LRRC4C: variants seen among roughly 807,000 people sequenced by gnomAD.
LRRC4C encodes the protein leucine rich repeat containing 4C, also known as leucine-rich repeat-containing protein 4C.
In LRRC4C, 5 loss-of-function variants were observed where a neutral mutation model predicts 33.6. The observed-to-expected ratio is 0.15, with a 90% CI of 0.08 to 0.31. The LOEUF (loss-of-function observed/expected upper bound fraction) is 0.31, where lower values mean the gene tolerates loss of function less well. LRRC4C is among the 10% of genes least tolerant of loss of function. The probability of loss-of-function intolerance (pLI) is 1.00; values close to 1 mark genes in which losing one functional copy is unlikely to be tolerated. For synonymous variants in LRRC4C, 329 were observed against 302.0 expected (o/e 1.09, Z -0.93); for missense variants, 560 against 796.7 (o/e 0.70, Z 3.58).
At chr11:41,332,318 T>C (rs1951320665) in intron 1 of LRRC4C, among the ~76,000 whole-genome samples, 1 of 152,194 alleles carries the variant, frequency 6.6e-6, no homozygotes, top group South Asian at 2.1e-4. Context: ...GCATGATACA[T>C]TTAAATAATA....
chr11:40,771,630 C>T (rs970749199), intron 2 of LRRC4C, among the ~76,000 whole-genome samples: 1 of 152,102 alleles, frequency 6.6e-6, no homozygotes, highest in Non-Finnish European at 1.5e-5. Context: ...CTGTTGAATG[C>T]TTTGCTGCTT....
intron 3 of LRRC4C, among the ~76,000 whole-genome samples, chr11:40,492,930 A>G (rs145059277): frequency 1.3e-5 from 2 of 152,192 alleles, no homozygotes; most frequent in Non-Finnish European, 2.9e-5. Context: ...CTAGAATTTT[A>G]TACTATCACC....
At chr11:40,587,603 G>T (rs1482049606) in intron 3 of LRRC4C, among the ~76,000 whole-genome samples, 1 of 148,212 alleles carries the variant, frequency 6.7e-6, no homozygotes, top group African/African-American at 2.5e-5. Context: ...TATGATATTG[G>T]CTGTGGGTTT....
chr11:40,884,297 T>G (rs907826467), intron 2 of LRRC4C, among the ~76,000 whole-genome samples: 5 of 152,174 alleles, frequency 3.3e-5, no homozygotes, highest in African/African-American at 1.2e-4. Context: ...CTACATTTTC[T>G]TTATCCAGTC....
chr11:40,964,302 A>C (rs1252794922), intron 1 of LRRC4C, among the ~76,000 whole-genome samples: 9 of 151,854 alleles, frequency 5.9e-5, no homozygotes, highest in Admixed American at 5.9e-4. Flanking sequence ...AAGTCAAACA[A>C]AACAAATAAA....
chr11:40,493,143 A>T (rs1455243217), intron 3 of LRRC4C, among the ~76,000 whole-genome samples: 2 of 151,796 alleles, frequency 1.3e-5, no homozygotes, highest in African/African-American at 4.8e-5. Flanking sequence ...GAGATAGCTA[A>T]ATTTATACCT....
At chr11:41,437,093 C>A (rs548635397) in intron 1 of LRRC4C, among the ~76,000 whole-genome samples, 4 of 152,104 alleles carry the variant, frequency 2.6e-5, no homozygotes, top group Non-Finnish European at 5.9e-5. Context: ...AACATAACAC[C>A]AAATACAAGC....
chr11:41,065,452 G>A (rs1340391144), intron 1 of LRRC4C, among the ~76,000 whole-genome samples: 1 of 152,174 alleles, frequency 6.6e-6, no homozygotes, highest in Non-Finnish European at 1.5e-5. Context: ...CCTATGGGGA[G>A]GGGCCGGTGC....
At chr11:41,159,863 C>G (rs1013296198) in intron 1 of LRRC4C, among the ~76,000 whole-genome samples, 4 of 152,060 alleles carry the variant, frequency 2.6e-5, no homozygotes, top group Non-Finnish European at 5.9e-5. Flanking sequence ...GTATTATACC[C>G]AATACTGCCT....
chr11:41,434,799 A>G (rs1184609739), intron 1 of LRRC4C, among the ~76,000 whole-genome samples: 1 of 152,144 alleles, frequency 6.6e-6, no homozygotes, highest in Non-Finnish European at 1.5e-5. Flanking sequence ...TGAAGTCTGC[A>G]GATCTGTTCA....
chr11:40,127,493 A>G (rs185521829), intron 6 of LRRC4C, among the ~76,000 whole-genome samples: 2 of 152,270 alleles, frequency 1.3e-5, no homozygotes, highest in East Asian at 3.9e-4. Context: ...GGGCACTGCA[A>G]GCCTAACAAA....
chr11:41,258,929 A>T (rs1948888296), intron 1 of LRRC4C, among the ~76,000 whole-genome samples: 1 of 152,000 alleles, frequency 6.6e-6, no homozygotes, highest in South Asian at 2.1e-4. Context: ...AAAAATAAAC[A>T]TACTTCCCAC....
At chr11:40,194,270 C>T (rs1232125790) in intron 5 of LRRC4C, among the ~76,000 whole-genome samples, 1 of 152,164 alleles carries the variant, frequency 6.6e-6, no homozygotes, top group Non-Finnish European at 1.5e-5. Flanking sequence ...TGCAGAAACC[C>T]TACAAACCAG....
At chr11:40,542,042 TTCTCTTTC>T (rs1956732089) in intron 3 of LRRC4C, among the ~76,000 whole-genome samples, 1 of 91,620 alleles carries the variant, frequency 1.1e-5, no homozygotes, top group South Asian at 4.0e-4. Flanking sequence ...TTCTCTTTCT[TTCTCTTTC>T]TCTCTTTCTT....
chr11:40,139,126 G>T (rs1857185731), intron 6 of LRRC4C, among the ~76,000 whole-genome samples: 1 of 152,162 alleles, frequency 6.6e-6, no homozygotes, highest in Admixed American at 6.5e-5. Flanking sequence ...AGAAGAGGAG[G>T]CGGCGAGAAC....
intron 2 of LRRC4C, among the ~76,000 whole-genome samples, chr11:40,755,598 G>A (rs940482044): frequency 4.6e-5 from 7 of 152,038 alleles, no homozygotes; most frequent in Admixed American, 1.3e-4. Context: ...GATACATTAA[G>A]TTGTCATAGA....
intron 1 of LRRC4C, among the ~76,000 whole-genome samples, chr11:41,387,844 C>T (rs931250526): frequency 1.3e-5 from 2 of 151,790 alleles, no homozygotes; most frequent in Non-Finnish European, 2.9e-5. Context: ...AAGTTACCAA[C>T]CATTCTCCTG....
chr11:40,315,470 G>A (rs966538262), intron 4 of LRRC4C, among the ~76,000 whole-genome samples: 3 of 151,634 alleles, frequency 2.0e-5, no homozygotes, highest in African/African-American at 7.3e-5. Flanking sequence ...TATGTAATAT[G>A]TAAAATTATT....
intron 1 of LRRC4C, among the ~76,000 whole-genome samples, chr11:41,414,045 T>G (rs2138247470): frequency 6.6e-6 from 1 of 152,252 alleles, no homozygotes; most frequent in East Asian, 1.9e-4. Flanking sequence ...CCACCCTGTG[T>G]GATTTAGGCA....
Sources: gnomAD v4.1 joint callset for allele counts (sites outside exome capture counted in the v4.1 genomes callset) on GRCh38, gnomAD v4.1.1 for gene constraint, MANE v1.5 for transcripts, NCBI Gene and HGNC (gene_info 2026-07-23, HGNC 2026-07-21) for gene names.